The following GABRA4 variants were observed in gnomAD, a reference collection of about 807,000 sequenced individuals.
GABRA4 encodes the protein gamma-aminobutyric acid receptor subunit alpha-4.
In GABRA4, 12 loss-of-function variants were observed where a neutral mutation model predicts 49.7. The ratio of observed to expected loss-of-function variants is 0.24; its 90% CI spans 0.15 to 0.39. The LOEUF (loss-of-function observed/expected upper bound fraction) is 0.39, where lower values mean the gene tolerates loss of function less well. GABRA4 is among the 10% of genes least tolerant of loss of function. The pLI, the probability that GABRA4 is intolerant of heterozygous loss-of-function variation, is 1.00. For synonymous variants in GABRA4, 288 were observed against 240.2 expected (o/e 1.20, Z -1.84); for missense variants, 506 against 686.0 (o/e 0.74, Z 2.93).
chr4:46,937,940 T>C (rs1721654717), intron 8 of GABRA4, among the ~76,000 whole-genome samples: 3 of 152,188 alleles, frequency 2.0e-5, no homozygotes, highest in Non-Finnish European at 4.4e-5. Flanking sequence ...ACTCATAATG[T>C]GAATAAGTAT....
intron 8 of GABRA4, among the ~76,000 whole-genome samples, chr4:46,935,344 AAATATAT>A (rs1721569958): frequency 2.0e-5 from 3 of 152,204 alleles, no homozygotes; most frequent in Admixed American, 1.3e-4. Context: ...TCCTCCTAAT[AAATATAT>A]AAGATAATGC....
intron 8 of GABRA4, among the ~76,000 whole-genome samples, chr4:46,957,503 T>A (rs1037852942): frequency 2.6e-5 from 4 of 151,918 alleles, no homozygotes; most frequent in African/African-American, 9.7e-5. Flanking sequence ...AAAAAGGAGA[T>A]GCATACAGTA....
chr4:46,954,556 CAAAA>C (rs60422399), intron 8 of GABRA4, among the ~76,000 whole-genome samples: 6 of 88,822 alleles, frequency 6.8e-5, no homozygotes, highest in Non-Finnish European at 9.9e-5. Context: ...AAACGCCATC[CAAAA>C]AAAAAAAAAA....
intron 8 of GABRA4, among the ~76,000 whole-genome samples, chr4:46,963,757 T>A (rs1722656878): frequency 6.6e-6 from 1 of 151,742 alleles, no homozygotes; most frequent in African/African-American, 2.4e-5. Flanking sequence ...CAATGACGCA[T>A]CATCTCACCC....
rs1023845960 is a variant in GABRA4, at chr4:46,922,347, A to G, written c.*5878T>C. Reference sequence around the variant, plus strand: ...GGTGGGCTTGAAACCTGAAATTTAAATAGCTTCTGTGGGCTGATCTGACTC... The same window carrying G: ...GGTGGGCTTGAAACCTGAAATTTAAGTAGCTTCTGTGGGCTGATCTGACTC... On this transcript the variant is annotated 3_prime_UTR_variant, in exon 9 of 9. Transcript: ENST00000264318. 2.6e-5 allele frequency: 4 copies of G among 152,118 alleles called. No individual in the cohort carries two copies. The highest frequency in any genetic ancestry group is 9.7e-5 in the African/African-American group (4 of 41,432). 9.4% of individuals were successfully genotyped at this position (152,118 alleles called of 1,614,324 possible).
At chr4:46,974,413 C>T (rs1486552661) in intron 5 of GABRA4, 38 bp from the exon 6 acceptor site, 1 of 1,574,120 alleles carries the variant, frequency 6.4e-7, no homozygotes, top group Non-Finnish European at 8.6e-7. Flanking sequence ...AGTCAATGCT[C>T]CTTTTTCATC....
chr4:46,947,974 G>C (rs1482045085), intron 8 of GABRA4, among the ~76,000 whole-genome samples: 2 of 152,100 alleles, frequency 1.3e-5, no homozygotes, highest in Middle Eastern at 3.2e-3. Context: ...TCCCAGGCCT[G>C]GCAGTTGAGG....
Position 46,928,183 on chromosome 4 carries a change from T to C in GABRA4, c.*42A>G. The C allele has an allele frequency of 1.4e-6, 2 of 1,434,902 alleles. No individual in the cohort carries two copies. Among genetic ancestry groups the C allele is most frequent in the Non-Finnish European group, 1.9e-6 (2 of 1,059,512 alleles). The allele number at this position is 1,434,902 out of a possible 1,614,324, so 88.9% of individuals were successfully genotyped here. A position where few individuals can be genotyped will look rare whatever the true frequency, so the allele number is the denominator to read the frequency against. On this transcript the variant is annotated 3_prime_UTR_variant, in exon 9 of 9. Coordinates refer to ENST00000264318, the MANE Select transcript of GABRA4 (RefSeq NM_000809.4). ...TTTAAAAACATTTAAAAAGACATTCTGCATTTTCATCATCTTTTAGCAAAC... is the reference window on the plus strand; with the variant it reads ...TTTAAAAACATTTAAAAAGACATTCCGCATTTTCATCATCTTTTAGCAAAC...
Position 46,926,625 on chromosome 4 carries a change from T to A in GABRA4, c.*1600A>T, listed in dbSNP as rs1278199862. On this transcript the variant is annotated 3_prime_UTR_variant, in exon 9 of 9. Transcript: ENST00000264318. Reference sequence around the variant, plus strand: ...ATTTTGTCTGCAAGGTGGTCATTTCTATCAATATGTTCCCTAAAACACCCA... The same window carrying A: ...ATTTTGTCTGCAAGGTGGTCATTTCAATCAATATGTTCCCTAAAACACCCA... 1 of 151,954 alleles carries A rather than the reference T, an allele frequency of 6.6e-6. No homozygotes were observed. The highest frequency in any genetic ancestry group is 1.5e-5 in the Non-Finnish European group (1 of 67,892). The allele number at this position is 151,954 out of a possible 1,614,324, so 9.4% of individuals were successfully genotyped here.
chr4:46,987,909 T>C (rs777709637), intron 2 of GABRA4, among the ~76,000 whole-genome samples: 25 of 152,140 alleles, frequency 1.6e-4, no homozygotes, highest in Non-Finnish European at 3.7e-4. Flanking sequence ...GAGAATAAGT[T>C]ATGCTCTTTT....
chr4:46,963,988 A>T (rs1722665661), intron 8 of GABRA4, among the ~76,000 whole-genome samples: 1 of 151,914 alleles, frequency 6.6e-6, no homozygotes, highest in Non-Finnish European at 1.5e-5. Context: ...TGTCTACAAT[A>T]GCTAAGATTT....
rs926241010 is a variant in GABRA4 at position 46,923,362 on chromosome 4, T to G, written c.*4863A>C. On this transcript the variant is annotated 3_prime_UTR_variant, in exon 9 of 9. Transcript: ENST00000264318. ...TTGAGATAAAAGTCAATTTAATTTT[T>G]TATTATTTAATGGCAGCATGTATGT... 2.6e-5 allele frequency: 4 copies of G among 152,140 alleles called. No homozygotes were observed. The highest frequency in any genetic ancestry group is 7.2e-5 in the African/African-American group (3 of 41,440). 9.4% of individuals were successfully genotyped at this position (152,140 alleles called of 1,614,324 possible).
chr4:46,963,953 T>G (rs1285764297), intron 8 of GABRA4, among the ~76,000 whole-genome samples: 1 of 151,886 alleles, frequency 6.6e-6, no homozygotes, highest in African/African-American at 2.4e-5. Context: ...GAGAGATATC[T>G]GCACTCCTAT....
At chr4:46,954,481 C>T (rs1398752333) in intron 8 of GABRA4, among the ~76,000 whole-genome samples, 1 of 150,228 alleles carries the variant, frequency 6.7e-6, no homozygotes, top group Non-Finnish European at 1.5e-5. Context: ...CACTTGAATC[C>T]GGGAGGTGGA....
chr4:46,984,945 G>C (rs1486569100), intron 2 of GABRA4, among the ~76,000 whole-genome samples: 1 of 151,888 alleles, frequency 6.6e-6, no homozygotes, highest in African/African-American at 2.4e-5. Flanking sequence ...ATATGCAAAA[G>C]AAACTCTTGC....
chr4:46,992,998 C>T (rs750979614), intron 1 of GABRA4, 52 bp from the exon 2 acceptor site: 2 of 1,338,430 alleles, frequency 1.5e-6, no homozygotes, highest in East Asian at 2.3e-5. Context: ...TTTAAGAATC[C>T]ATCAGAGAAC....
In GABRA4 at chr4:46,948,958, T is replaced by C. The variant is rs569222184; in HGVS notation, c.1134+16012A>G. ...TTCTTTTCCTAAATGAGGACTATAG[T>C]CTGGTAACAAAATCTCTGAGAACAA... On this transcript the variant is annotated intron_variant, in intron 8 of 8. Transcript: ENST00000264318. Among the ~76,000 whole-genome samples, 13 of 152,252 alleles carry C rather than the reference T, an allele frequency of 8.5e-5. No individual in the cohort carries two copies. The South Asian group carries it at 1.4e-3, about 17-fold the overall frequency.
At chr4:46,985,902 A>G (rs1723516893) in intron 2 of GABRA4, among the ~76,000 whole-genome samples, 1 of 151,982 alleles carries the variant, frequency 6.6e-6, no homozygotes, top group Non-Finnish European at 1.5e-5. Flanking sequence ...AATGTTAAAT[A>G]TCCTGTACTA....
intron 8 of GABRA4, among the ~76,000 whole-genome samples, chr4:46,950,027 T>C (rs1307334787): frequency 1.3e-5 from 2 of 152,126 alleles, no homozygotes; most frequent in Non-Finnish European, 2.9e-5. Context: ...ACAGGTAACC[T>C]CCTTGGTGCC....
Sources: gnomAD v4.1 joint callset for allele counts (sites outside exome capture counted in the v4.1 genomes callset) on GRCh38, gnomAD v4.1.1 for gene constraint, MANE v1.5 for transcripts, NCBI Gene and HGNC (gene_info 2026-07-23, HGNC 2026-07-21) for gene names.